The following RNF13 variants were observed in gnomAD, a reference collection of about 807,000 sequenced individuals.
RNF13 encodes the protein E3 ubiquitin-protein ligase RNF13.
RNF13 carries 19 observed loss-of-function variants against 37.7 expected under a neutral mutation model. The observed-to-expected ratio is 0.50, with a 90% CI of 0.35 to 0.74. The LOEUF (loss-of-function observed/expected upper bound fraction) is 0.74. RNF13 is among the 30% of genes least tolerant of loss of function. The probability of loss-of-function intolerance (pLI) is 0.01; values close to 1 mark genes in which losing one functional copy is unlikely to be tolerated. For missense variants in RNF13, 375 were observed against 453.0 expected, an observed-to-expected ratio of 0.83 and a Z score of 1.56; for synonymous variants, 144 against 157.8, an observed-to-expected ratio of 0.91 and a Z score of 0.65.
chr3:149,920,577 G>A (rs182378619), intron 7 of RNF13, among the ~76,000 whole-genome samples: 1 of 152,136 alleles, frequency 6.6e-6, no homozygotes, highest in Admixed American at 6.5e-5. Context: ...GGTGTTTTTG[G>A]TATTTGGTTT....
At chr3:149,925,458 T>C (rs1437682173) in intron 8 of RNF13, among the ~76,000 whole-genome samples, 7 of 152,226 alleles carry the variant, frequency 4.6e-5, no homozygotes, top group Non-Finnish European at 8.8e-5. Context: ...TACGAATGCA[T>C]ACCTAAACAG....
chr3:149,889,846 G>A (rs548161057), intron 4 of RNF13, among the ~76,000 whole-genome samples: 31 of 151,424 alleles, frequency 2.0e-4, no homozygotes, highest in Non-Finnish European at 3.7e-4. Flanking sequence ...GTAGAGATGG[G>A]ATTTCACCAT....
intron 7 of RNF13, among the ~76,000 whole-genome samples, chr3:149,914,347 G>GTT (rs933412684): frequency 2.2e-4 from 33 of 151,976 alleles, no homozygotes; most frequent in African/African-American, 8.0e-4. Flanking sequence ...AGAAAGCAAG[G>GTT]TTTGGTCAGG....
chr3:149,854,415 G>C (rs1045473816), intron 3 of RNF13, among the ~76,000 whole-genome samples: 12 of 152,072 alleles, frequency 7.9e-5, no homozygotes, highest in African/African-American at 1.9e-4. Context: ...AACATGTAAT[G>C]CTTTTTCATT....
At chr3:149,941,437 T>G (rs1206299946) in intron 8 of RNF13, among the ~76,000 whole-genome samples, 1 of 152,146 alleles carries the variant, frequency 6.6e-6, no homozygotes, top group Non-Finnish European at 1.5e-5. Flanking sequence ...TGATGATTAG[T>G]GATGATGAGC....
rs138639926 is a variant in RNF13 at position 149,942,129 on chromosome 3, T to C, written c.701-17927T>C. ...AATTACTGTTGCTGTGTAGAATGTT[T>C]TGAAATCAGGGAGTATGAGTCTTCC... On this transcript the variant is annotated intron_variant, in intron 8 of 9. Transcript: ENST00000392894. Among the ~76,000 whole-genome samples the C allele has an allele frequency of 6.3e-3, 952 of 152,238 alleles. 3 individuals carry two copies. The highest frequency in any genetic ancestry group is 0.011 in the Non-Finnish European group (720 of 67,988).
intron 1 of RNF13, among the ~76,000 whole-genome samples, chr3:149,817,995 G>A (rs1719637381): frequency 6.6e-6 from 1 of 152,198 alleles, no homozygotes; most frequent in South Asian, 2.1e-4. Context: ...ATTGGGTAGA[G>A]CATGATGTTG....
chr3:149,957,171 T>C (rs909160333), intron 8 of RNF13, among the ~76,000 whole-genome samples: 6 of 152,220 alleles, frequency 3.9e-5, no homozygotes, highest in East Asian at 3.8e-4. Flanking sequence ...CACTCAACAA[T>C]TGATGTTGGA....
chr3:149,875,187 A>G (rs1424472805), intron 4 of RNF13, among the ~76,000 whole-genome samples: 2 of 152,142 alleles, frequency 1.3e-5, no homozygotes, highest in Non-Finnish European at 2.9e-5. Context: ...ATGGTAGTGC[A>G]GGGTTATATT....
chr3:149,882,580 GA>G (rs1713552852), intron 4 of RNF13, among the ~76,000 whole-genome samples: 1 of 152,102 alleles, frequency 6.6e-6, no homozygotes, highest in Admixed American at 6.5e-5. Context: ...TTTATACCAA[GA>G]AGCATGAAAA....
intron 8 of RNF13, among the ~76,000 whole-genome samples, chr3:149,953,253 A>T (rs568251888): frequency 6.6e-6 from 1 of 152,292 alleles, no homozygotes; most frequent in Non-Finnish European, 1.5e-5. Context: ...TTCATGAAAT[A>T]ATTCACTAAC....
chr3:149,944,544 T>C (rs1440385195), intron 8 of RNF13, among the ~76,000 whole-genome samples: 1 of 152,224 alleles, frequency 6.6e-6, no homozygotes, highest in African/African-American at 2.4e-5. Context: ...ATTGTGGCAT[T>C]TCTCTGATGG....
At chr3:149,918,788 C>A (rs536741269) in intron 7 of RNF13, among the ~76,000 whole-genome samples, 1 of 151,978 alleles carries the variant, frequency 6.6e-6, no homozygotes, top group East Asian at 1.9e-4. Flanking sequence ...CTTGGCCTCC[C>A]AAAGCACTGG....
At chr3:149,922,242 G>A (rs1718209048) in intron 8 of RNF13, among the ~76,000 whole-genome samples, 1 of 152,164 alleles carries the variant, frequency 6.6e-6, no homozygotes, top group Non-Finnish European at 1.5e-5. Flanking sequence ...AGAGTGCTGG[G>A]ACTACAGGTG....
intron 7 of RNF13, among the ~76,000 whole-genome samples, chr3:149,920,786 C>T (rs1281306440): frequency 8.7e-6 from 1 of 114,796 alleles, no homozygotes; most frequent in African/African-American, 3.1e-5. Context: ...TCAACCTTCC[C>T]ATTCTTTTTT....
intron 1 of RNF13, among the ~76,000 whole-genome samples, chr3:149,823,570 T>C (rs563175136): frequency 1.9e-3 from 288 of 152,322 alleles, no homozygotes; most frequent in Admixed American, 2.7e-3. Flanking sequence ...GAAAGATTTA[T>C]ATTCATTGGA....
intron 8 of RNF13, among the ~76,000 whole-genome samples, chr3:149,951,294 G>C (rs1721308555): frequency 6.6e-6 from 1 of 152,168 alleles, no homozygotes; most frequent in Non-Finnish European, 1.5e-5. Flanking sequence ...CTCTTCAAAA[G>C]GAATACTTTT....
At chr3:149,858,898 G>T (rs546892573) in intron 3 of RNF13, among the ~76,000 whole-genome samples, 109 of 152,310 alleles carry the variant, frequency 7.2e-4, no homozygotes, top group South Asian at 5.2e-3. Context: ...TACAGGAAAT[G>T]ATTTTGTTTA....
At chr3:149,952,059 A>C (rs1001693135) in intron 8 of RNF13, among the ~76,000 whole-genome samples, 1 of 152,164 alleles carries the variant, frequency 6.6e-6, no homozygotes, top group African/African-American at 2.4e-5. Context: ...ACTATGTCAA[A>C]GAGAAAAGGA....
Sources: allele counts gnomAD v4.1 joint callset (sites outside exome capture counted in the v4.1 genomes callset), GRCh38; gene constraint gnomAD v4.1.1; transcripts MANE v1.5; gene names NCBI Gene and HGNC (gene_info 2026-07-23, HGNC 2026-07-21).